Variants in ATP8A1 observed in about 807,000 individuals in gnomAD.
ATP8A1 encodes phospholipid-transporting ATPase IA.
In ATP8A1, 90 loss-of-function variants were observed where a neutral mutation model predicts 177.7. The observed-to-expected ratio is 0.51, with a 90% confidence interval of 0.43 to 0.60. The LOEUF (loss-of-function observed/expected upper bound fraction) is 0.60, where lower values mean the gene tolerates loss of function less well. ATP8A1 is among the 20% of genes least tolerant of loss of function. The pLI, the probability that ATP8A1 is intolerant of heterozygous loss-of-function variation, is 0.00. For missense variants in ATP8A1, 1,072 were observed against 1,392.8 expected (o/e 0.77, Z 3.67); for synonymous variants, 493 against 485.9 (o/e 1.01, Z -0.19).
At chr4:42,518,543 A>G (rs1046695943) in intron 22 of ATP8A1, among the ~76,000 whole-genome samples, 1 of 152,192 alleles carries the variant, frequency 6.6e-6, no homozygotes, top group Non-Finnish European at 1.5e-5. Context: ...CTCCAGCCAA[A>G]GCAGTCCTGC....
At chr4:42,418,626 G>T (rs1713515961) in intron 35 of ATP8A1, among the ~76,000 whole-genome samples, 1 of 152,050 alleles carries the variant, frequency 6.6e-6, no homozygotes, top group African/African-American at 2.4e-5. Flanking sequence ...AGCAAGGTTT[G>T]GGTTATTTTA....
chr4:42,420,921 A>G (rs1157350376), intron 35 of ATP8A1, among the ~76,000 whole-genome samples: 2 of 151,982 alleles, frequency 1.3e-5, no homozygotes, highest in Non-Finnish European at 2.9e-5. Context: ...GGCGCCCGCC[A>G]CCACGCCTGG....
At chr4:42,505,404 C>A (rs1724265838) in intron 23 of ATP8A1, among the ~76,000 whole-genome samples, 1 of 152,200 alleles carries the variant, frequency 6.6e-6, no homozygotes, top group African/African-American at 2.4e-5. Context: ...CTATTTTCCA[C>A]ATTTACTGCC....
In ATP8A1 at chr4:42,409,781, A is replaced by G. The variant is rs1248947200; in HGVS notation, c.*3135T>C. On this transcript the variant is annotated 3_prime_UTR_variant, in exon 37 of 37. Coordinates refer to ENST00000381668, the MANE Select transcript of ATP8A1 (RefSeq NM_006095.2). ...TTGTAAGTGTTGTACAGTGCACGCAATGCAAAACAAATTATCATGTGACTT... is the reference window on the plus strand; with the variant it reads ...TTGTAAGTGTTGTACAGTGCACGCAGTGCAAAACAAATTATCATGTGACTT... 1 of 152,186 alleles carries G rather than the reference A, an allele frequency of 6.6e-6. No homozygotes were observed. Among genetic ancestry groups the G allele is most frequent in the Non-Finnish European group, 1.5e-5 (1 of 68,002 alleles). 9.4% of individuals were successfully genotyped at this position (152,186 alleles called of 1,614,324 possible). A position where few individuals can be genotyped will look rare whatever the true frequency, so the allele number is the denominator to read the frequency against.
At chr4:42,573,175 T>A (rs1357926546) in intron 14 of ATP8A1, among the ~76,000 whole-genome samples, 1 of 152,190 alleles carries the variant, frequency 6.6e-6, no homozygotes, top group African/African-American at 2.4e-5. Flanking sequence ...TAATTACTAA[T>A]TTGATGAACC....
intron 33 of ATP8A1, among the ~76,000 whole-genome samples, chr4:42,424,127 T>TA (rs1487995329): frequency 6.6e-6 from 1 of 152,126 alleles, no homozygotes; most frequent in Non-Finnish European, 1.5e-5. Flanking sequence ...CAATGATTTA[T>TA]ATAACTGGTA....
At chr4:42,525,944 C>T (rs898464906) in intron 20 of ATP8A1, among the ~76,000 whole-genome samples, 5 of 152,004 alleles carry the variant, frequency 3.3e-5, no homozygotes, top group East Asian at 1.9e-4. Context: ...GGGGGCAAAG[C>T]GAAAGGAAAT....
rs934122032 is a variant in ATP8A1 at position 42,643,775 on chromosome 4, C to T, written c.49+13050G>A. On this transcript the variant is annotated intron_variant, in intron 1 of 36. Coordinates refer to ENST00000381668, the MANE Select transcript of ATP8A1 (RefSeq NM_006095.2). The stretch of plus-strand genomic sequence containing the variant: ...CAGATGATTCGCTGGTAGGTATTAT[C>T]ACTTTATCAAAGAGAAACAGGAGTC... 3.3e-5 allele frequency among the ~76,000 whole-genome samples: 5 copies of T among 152,272 alleles called. No homozygotes were observed. In the East Asian group the frequency reaches 9.6e-4, roughly 29 times the overall value.
chr4:42,538,965 T>C (rs922508535), intron 20 of ATP8A1, among the ~76,000 whole-genome samples: 10 of 152,198 alleles, frequency 6.6e-5, no homozygotes, highest in African/African-American at 9.7e-5. Context: ...CACATGTTTA[T>C]AGCAGCACAA....
chr4:42,565,208 T>C (rs981753137), intron 15 of ATP8A1, among the ~76,000 whole-genome samples: 13 of 152,216 alleles, frequency 8.5e-5, no homozygotes, highest in African/African-American at 3.1e-4. Context: ...TGACTCAACA[T>C]CTTTCTAAAG....
chr4:42,435,429 A>AG, intron 33 of ATP8A1, among the ~76,000 whole-genome samples: 1 of 70,144 alleles, frequency 1.4e-5, no homozygotes, highest in Non-Finnish European at 2.8e-5. Context: ...TTCATCTCAA[A>AG]AAAAAAAAAA....
chr4:42,527,605 CCT>C (rs1030847289), intron 20 of ATP8A1, among the ~76,000 whole-genome samples: 35 of 152,140 alleles, frequency 2.3e-4, no homozygotes, highest in Admixed American at 5.2e-4. Context: ...CCCCAACACC[CCT>C]GTTTGCTTCT....
At chr4:42,481,492 G>A (rs1466911110) in intron 25 of ATP8A1, among the ~76,000 whole-genome samples, 1 of 152,210 alleles carries the variant, frequency 6.6e-6, no homozygotes, top group Non-Finnish European at 1.5e-5. Flanking sequence ...CAAATCAGTA[G>A]AGCTAGAACA....
chr4:42,514,112 T>C (rs1439339204), intron 22 of ATP8A1, among the ~76,000 whole-genome samples: 1 of 152,238 alleles, frequency 6.6e-6, no homozygotes, highest in Non-Finnish European at 1.5e-5. Context: ...CTCATTTGCC[T>C]ACTTCTGGAG....
At chr4:42,450,775 C>A (rs1717853405) in intron 30 of ATP8A1, among the ~76,000 whole-genome samples, 1 of 152,232 alleles carries the variant, frequency 6.6e-6, no homozygotes, top group South Asian at 2.1e-4. Flanking sequence ...ACGCACTGTT[C>A]TAAGCACTGT....
intron 5 of ATP8A1, 45 bp from the exon 6 acceptor site, chr4:42,600,563 GA>G (rs746593362): frequency 1.3e-6 from 2 of 1,560,400 alleles, no homozygotes; most frequent in South Asian, 1.2e-5. Context: ...GTTTTACTAT[GA>G]AAAGGCCATT....
intron 20 of ATP8A1, among the ~76,000 whole-genome samples, chr4:42,538,129 C>T (rs115724389): frequency 0.011 from 1,689 of 152,224 alleles, 35 homozygotes; most frequent in African/African-American, 0.039. Context: ...TTATGGCCAA[C>T]TGATCTTTAG....
intron 14 of ATP8A1, among the ~76,000 whole-genome samples, chr4:42,573,382 T>G (rs373561091): frequency 2.6e-5 from 4 of 152,158 alleles, no homozygotes; most frequent in Admixed American, 6.6e-5. Context: ...GTACAAGATG[T>G]CAAAAAGTGT....
At chr4:42,531,736 T>C (rs556939456) in intron 20 of ATP8A1, among the ~76,000 whole-genome samples, 30 of 152,236 alleles carry the variant, frequency 2.0e-4, no homozygotes, top group Admixed American at 1.6e-3. Flanking sequence ...ACAAAATCAA[T>C]GTACAAAAAT....
Sources: gnomAD v4.1 joint callset for allele counts (sites outside exome capture counted in the v4.1 genomes callset) on GRCh38, gnomAD v4.1.1 for gene constraint, MANE v1.5 for transcripts, NCBI Gene and HGNC (gene_info 2026-07-23, HGNC 2026-07-21) for gene names.